Variants in NARS2 observed in about 807,000 individuals in gnomAD.
NARS2 encodes asparaginyl-tRNA synthetase 2, mitochondrial.
In NARS2, 60 loss-of-function variants were observed where a neutral mutation model predicts 62.9. The observed-to-expected ratio is 0.95, with a 90% CI of 0.77 to 1.18. The LOEUF is 1.18. Among genes scored for constraint, NARS2 ranks in the 50% most tolerant of loss-of-function variants. NARS2 has a pLI of 0.00. For synonymous variants in NARS2, 196 were observed against 200.0 expected (o/e 0.98, Z 0.17); for missense variants, 619 against 576.4 (o/e 1.07, Z -0.76).
intron 7 of NARS2, among the ~76,000 whole-genome samples, chr11:78,487,901 G>T (rs763145580): frequency 3.3e-5 from 5 of 152,122 alleles, no homozygotes; most frequent in Admixed American, 2.0e-4. Flanking sequence ...GAAAAACTAA[G>T]AACTGATTGC....
At chr11:78,565,289 G>A (rs1856706187) in intron 4 of NARS2, among the ~76,000 whole-genome samples, 1 of 152,112 alleles carries the variant, frequency 6.6e-6, no homozygotes, top group African/African-American at 2.4e-5. Context: ...ACAAAATATA[G>A]ATCTATGACC....
At chr11:78,495,745 C>G (rs188089709) in intron 6 of NARS2, among the ~76,000 whole-genome samples, 13 of 152,238 alleles carry the variant, frequency 8.5e-5, no homozygotes, top group African/African-American at 3.1e-4. Flanking sequence ...TCAAACAATC[C>G]AGGTCTGGCC....
intron 11 of NARS2, among the ~76,000 whole-genome samples, chr11:78,446,773 T>G (rs1400898557): frequency 6.6e-6 from 1 of 152,140 alleles, no homozygotes; most frequent in East Asian, 1.9e-4. Context: ...TTCTATGACA[T>G]TAGTCTGGGC....
At chr11:78,566,975 T>G (rs1025481418) in intron 3 of NARS2, among the ~76,000 whole-genome samples, 1 of 152,216 alleles carries the variant, frequency 6.6e-6, no homozygotes, top group Non-Finnish European at 1.5e-5. Context: ...CCATTCTAAG[T>G]CTTGTACAAA....
At chr11:78,458,273 G>A (rs1858246800) in intron 11 of NARS2, among the ~76,000 whole-genome samples, 1 of 151,902 alleles carries the variant, frequency 6.6e-6, no homozygotes, top group South Asian at 2.1e-4. Context: ...ACATGAAAGG[G>A]GAAAAATTTT....
Position 78,502,717 on chromosome 11 carries a change from G to A in NARS2, c.690-9522C>T, listed in dbSNP as rs146412783. ...TTTTAAAAGTTGACTGAGGCCAGGC[G>A]CGGCGCCTCACGCCTGTAATCCCAG... On this transcript the variant is annotated intron_variant, in intron 6 of 13. Coordinates refer to ENST00000281038, the MANE Select transcript of NARS2 (RefSeq NM_024678.6). Among the ~76,000 whole-genome samples, 6 of 152,244 alleles carry A rather than the reference G, an allele frequency of 3.9e-5. No homozygotes were observed. The East Asian group carries it at 7.7e-4, about 20-fold the overall frequency.
chr11:78,469,133 A>AT (rs1858757192), intron 10 of NARS2, 114 bp downstream of exon 10: 1 of 704,646 alleles, frequency 1.4e-6, no homozygotes, highest in African/African-American at 1.8e-5. Flanking sequence ...AGCAAATGCC[A>AT]TATTTTGCTA....
chr11:78,490,906 C>A (rs745942840), intron 7 of NARS2, among the ~76,000 whole-genome samples: 12 of 152,194 alleles, frequency 7.9e-5, no homozygotes, highest in Non-Finnish European at 1.3e-4. Flanking sequence ...AAATCTGTAA[C>A]TGAATTCTGC....
intron 7 of NARS2, among the ~76,000 whole-genome samples, chr11:78,484,571 T>C (rs1859493021): frequency 6.6e-6 from 1 of 151,884 alleles, no homozygotes; most frequent in Non-Finnish European, 1.5e-5. Flanking sequence ...CATCAAAAAG[T>C]GGGTGAAGGA....
At chr11:78,461,974 A>G (rs1302790089) in intron 11 of NARS2, among the ~76,000 whole-genome samples, 1 of 152,160 alleles carries the variant, frequency 6.6e-6, no homozygotes, top group African/African-American at 2.4e-5. Context: ...AAAAGAAAGA[A>G]AGCAAAACTC....
At chr11:78,520,273 A>G (rs1861066993) in intron 6 of NARS2, among the ~76,000 whole-genome samples, 2 of 152,010 alleles carry the variant, frequency 1.3e-5, no homozygotes, top group African/African-American at 4.8e-5. Flanking sequence ...GCCTCTTCCT[A>G]GTTTCTGGTG....
chr11:78,492,794 T>C (rs893877039), intron 7 of NARS2, among the ~76,000 whole-genome samples: 5 of 152,188 alleles, frequency 3.3e-5, no homozygotes, highest in African/African-American at 1.2e-4. Context: ...GCACAATTAT[T>C]CTCATTTTAG....
chr11:78,438,161 T>C (rs1446051250), intron 13 of NARS2, among the ~76,000 whole-genome samples: 1 of 152,110 alleles, frequency 6.6e-6, no homozygotes, highest in African/African-American at 2.4e-5. Flanking sequence ...TGGCTACATA[T>C]ACTGGTATTG....
intron 5 of NARS2, among the ~76,000 whole-genome samples, chr11:78,548,274 A>G (rs1855954485): frequency 6.6e-6 from 1 of 152,218 alleles, no homozygotes. Flanking sequence ...AGGAGTTGGA[A>G]CAAGGGAGGT....
At chr11:78,457,202 G>A (rs1858197267) in intron 11 of NARS2, among the ~76,000 whole-genome samples, 1 of 152,194 alleles carries the variant, frequency 6.6e-6, no homozygotes, top group African/African-American at 2.4e-5. Context: ...GAGAAAGGAA[G>A]ATAAATTATA....
At chr11:78,444,204 A>C (rs1260318441) in intron 11 of NARS2, among the ~76,000 whole-genome samples, 1 of 152,110 alleles carries the variant, frequency 6.6e-6, no homozygotes. Flanking sequence ...TAATAGCTTT[A>C]ATGTTTAATA....
chr11:78,559,089 G>T (rs1856467881), intron 5 of NARS2, among the ~76,000 whole-genome samples: 1 of 152,046 alleles, frequency 6.6e-6, no homozygotes, highest in African/African-American at 2.4e-5. Flanking sequence ...TGGATTACAA[G>T]GTCAAGAGAT....
rs2135124578 is a variant in NARS2, at chr11:78,436,719, A to G, written c.1385T>C (p.Ile462Thr). The G allele has an allele frequency of 6.2e-7, 1 of 1,614,198 alleles. No individual in the cohort carries two copies. The highest frequency in any genetic ancestry group is 8.5e-7 in the Non-Finnish European group (1 of 1,180,022). ...YLQCILGVDN[I>T]KDVIPFPRFP... ...CCTTGGGAAAGGGATAACATCTTTG[A>G]TATTGTCAACACCCAAGATGCACTG... is the stretch of plus-strand genomic sequence containing the variant. Residue 462 changes from isoleucine (I) to threonine (T), a missense_variant, in exon 14 of 14, where the codon ATC (isoleucine) becomes ACC (threonine). Transcript: ENST00000281038.
chr11:78,459,499 G>GA (rs1487776748), intron 11 of NARS2, among the ~76,000 whole-genome samples: 6 of 145,668 alleles, frequency 4.1e-5, no homozygotes, highest in African/African-American at 1.4e-4. Flanking sequence ...TGAATCCCCT[G>GA]CCTCAGGTGA....
Sources: gnomAD v4.1 joint callset for allele counts (sites outside exome capture counted in the v4.1 genomes callset) on GRCh38, gnomAD v4.1.1 for gene constraint, MANE v1.5 for transcripts, NCBI Gene and HGNC (gene_info 2026-07-23, HGNC 2026-07-21) for gene names.